STK3: variants seen among roughly 807,000 people sequenced by gnomAD.
STK3 encodes serine/threonine-protein kinase 3.
In STK3, 41 loss-of-function variants were observed where a neutral mutation model predicts 58.0. That is an observed-to-expected ratio of 0.71 (90% CI 0.55 to 0.92). The LOEUF (loss-of-function observed/expected upper bound fraction) is 0.92. Ranked by LOEUF, STK3 falls within the 40% of genes least tolerant of loss-of-function variation. The pLI is 0.00. For missense variants in STK3, 479 were observed against 602.7 expected (o/e 0.79, Z 2.15); for synonymous variants, 170 against 191.0 (o/e 0.89, Z 0.91).
chr8:98,429,030 G>A (rs772271323), intron 3 of STK3: 1 of 1,613,648 alleles, frequency 6.2e-7, no homozygotes, highest in South Asian at 1.1e-5. Flanking sequence ...CTACACCATT[G>A]AAAAGGAGGA....
chr8:98,676,342 G>C (rs1460337126), intron 6 of STK3, among the ~76,000 whole-genome samples: 2 of 152,092 alleles, frequency 1.3e-5, no homozygotes, highest in African/African-American at 4.8e-5. Flanking sequence ...CAGTTAAATG[G>C]GGCGGGGCGC....
chr8:98,378,421 T>C (rs1351866156), intron 2 of STK3, among the ~76,000 whole-genome samples: 3 of 152,196 alleles, frequency 2.0e-5, no homozygotes, highest in Admixed American at 2.0e-4. Context: ...AAGACTTAGG[T>C]CTCAGAGTCA....
chr8:98,459,791 G>C (rs1251593057), intron 10 of STK3, among the ~76,000 whole-genome samples: 3 of 152,214 alleles, frequency 2.0e-5, no homozygotes, highest in Non-Finnish European at 4.4e-5. Context: ...ACATGGTGTT[G>C]GGCCTGCGAG....
At chr8:98,495,742 G>T (rs1823083303) in intron 10 of STK3, among the ~76,000 whole-genome samples, 1 of 152,102 alleles carries the variant, frequency 6.6e-6, no homozygotes, top group Non-Finnish European at 1.5e-5. Context: ...TATAGCAACA[G>T]ATTTACTACA....
downstream of STK3, chr8:98,881,156 C>A (rs1172711232): frequency 6.6e-6 from 1 of 152,152 alleles, no homozygotes; most frequent in Non-Finnish European, 1.5e-5. Flanking sequence ...AATGGACAGG[C>A]TGTAGTACAT....
At position 98,751,018 on chromosome 8, in the gene STK3, T is replaced by C. The variant is rs147588799; in HGVS notation, c.237-1628A>G. ...GACAAAAACCACATGATTATCTCAA[T>C]AGATACAGAAAAGGCTTTCGATAAA... On this transcript the variant is annotated intron_variant, in intron 3 of 10. Transcript: ENST00000419617. Among the ~76,000 whole-genome samples, 1,025 of 152,288 alleles carry C rather than the reference T, an allele frequency of 6.7e-3. 8 individuals carry two copies. The highest frequency in any genetic ancestry group is 0.023 in the African/African-American group (960 of 41,556).
the STK3 span, among the ~76,000 whole-genome samples, chr8:98,360,856 C>T: frequency 6.6e-5 from 10 of 152,126 alleles, no homozygotes; most frequent in Non-Finnish European, 1.2e-4. Context: ...TGTGATTACA[C>T]GCTCTCAGCT....
intron 6 of STK3, chr8:98,597,945 G>C (rs1202474512): frequency 4.1e-6 from 4 of 985,254 alleles, no homozygotes; most frequent in Non-Finnish European, 4.8e-6. Flanking sequence ...ACCTAATAAG[G>C]CTTTAAAAAA....
intron 3 of STK3, among the ~76,000 whole-genome samples, chr8:98,414,890 C>T (rs550231561): frequency 1.3e-5 from 2 of 152,280 alleles, no homozygotes; most frequent in South Asian, 2.1e-4. Flanking sequence ...GGTGCCCAGT[C>T]CCTGAATCAT....
chr8:98,482,849 C>T (rs966025618), intron 10 of STK3, among the ~76,000 whole-genome samples: 6 of 152,008 alleles, frequency 3.9e-5, no homozygotes, highest in Admixed American at 6.6e-5. Flanking sequence ...AGGTATTTCT[C>T]GATTCCTCAA....
At chr8:98,356,016 G>A in the STK3 span, among the ~76,000 whole-genome samples, 7 of 152,334 alleles carry the variant, frequency 4.6e-5, 2 homozygotes, top group Admixed American at 4.6e-4. Flanking sequence ...ATGGGCTTGT[G>A]ATGGACAGAA....
intron 3 of STK3, among the ~76,000 whole-genome samples, chr8:98,405,615 T>C (rs4735560): frequency 0.91 from 138,441 of 152,156 alleles, 63,229 homozygotes; most frequent in Admixed American, 0.95. Flanking sequence ...CAGATGCCTC[T>C]CCTGAAATGG....
chr8:98,840,628 T>TATACATAC (rs1477381215), intron 3 of STK3, among the ~76,000 whole-genome samples: 1 of 114,478 alleles, frequency 8.7e-6, no homozygotes, highest in South Asian at 2.8e-4. Flanking sequence ...TATATATATA[T>TATACATAC]ACACACACAT....
intron 6 of STK3, among the ~76,000 whole-genome samples, chr8:98,680,763 C>G (rs1332716370): frequency 6.6e-6 from 1 of 152,038 alleles, no homozygotes; most frequent in Admixed American, 6.5e-5. Flanking sequence ...TCCAAAACTA[C>G]AAACGATTTA....
intron 3 of STK3, among the ~76,000 whole-genome samples, chr8:98,835,699 G>A (rs1835721307): frequency 6.6e-6 from 1 of 152,182 alleles, no homozygotes; most frequent in Non-Finnish European, 1.5e-5. Flanking sequence ...AAGATTTCCA[G>A]CAAGTTCTGT....
chr8:98,637,834 T>C (rs948756433), intron 6 of STK3, among the ~76,000 whole-genome samples: 1 of 152,202 alleles, frequency 6.6e-6, no homozygotes, highest in African/African-American at 2.4e-5. Context: ...ACATCAATGT[T>C]TGTAATCTCA....
At chr8:98,665,548 C>A (rs1822276479) in intron 6 of STK3, among the ~76,000 whole-genome samples, 1 of 152,018 alleles carries the variant, frequency 6.6e-6, no homozygotes, top group African/African-American at 2.4e-5. Flanking sequence ...CAGGTATGTG[C>A]AACTGCGCCC....
At chr8:98,443,737 A>G (rs557091128) in intron 1 of STK3, among the ~76,000 whole-genome samples, 1 of 152,276 alleles carries the variant, frequency 6.6e-6, no homozygotes, top group South Asian at 2.1e-4. Context: ...AATCCCAGCT[A>G]TTCGGGTGAC....
intron 2 of STK3, among the ~76,000 whole-genome samples, chr8:98,772,742 C>T (rs1338583506): frequency 1.3e-5 from 2 of 152,044 alleles, no homozygotes; most frequent in East Asian, 3.8e-4. Context: ...TGGCACCTCC[C>T]CTGCCCTATC....
Sources: gnomAD v4.1 joint callset for allele counts (sites outside exome capture counted in the v4.1 genomes callset) on GRCh38, gnomAD v4.1.1 for gene constraint, MANE v1.5 for transcripts, NCBI Gene and HGNC (gene_info 2026-07-23, HGNC 2026-07-21) for gene names.